The following NPSR1 variants were observed in gnomAD, a reference collection of about 807,000 sequenced individuals.
NPSR1 encodes neuropeptide S receptor 1.
In NPSR1, 48 loss-of-function variants were observed where a neutral mutation model predicts 46.9. The observed-to-expected ratio is 1.02, with a 90% CI of 0.81 to 1.30. The LOEUF is 1.30. Among genes scored for constraint, NPSR1 ranks in the 50% most tolerant of loss-of-function variants. NPSR1 has a pLI of 0.00. For synonymous variants in NPSR1, 176 were observed against 168.1 expected (o/e 1.05, Z -0.36); for missense variants, 450 against 449.5 (o/e 1.00, Z -0.01).
chr7:34,751,181 A>T (rs1785502646), intron 2 of NPSR1: 1 of 1,100,936 alleles, frequency 9.1e-7, no homozygotes, highest in Admixed American at 1.7e-5. Flanking sequence ...TGAGGAGTCC[A>T]GGGGTCCACC....
chr7:34,833,229 C>T (rs1320718415), intron 5 of NPSR1, among the ~76,000 whole-genome samples: 1 of 152,168 alleles, frequency 6.6e-6, no homozygotes, highest in Non-Finnish European at 1.5e-5. Context: ...TAAAGCATTG[C>T]TTTGTCCCAA....
At chr7:34,699,323 A>T (rs184800742) in intron 2 of NPSR1, among the ~76,000 whole-genome samples, 11 of 152,210 alleles carry the variant, frequency 7.2e-5, no homozygotes, top group African/African-American at 1.9e-4. Context: ...CTACTAAAAA[A>T]TTTTTTAAAT....
chr7:34,826,852 C>A (rs2128755884), intron 4 of NPSR1, among the ~76,000 whole-genome samples: 1 of 146,966 alleles, frequency 6.8e-6, no homozygotes, highest in South Asian at 2.1e-4. Flanking sequence ...GTTCAGTGTT[C>A]TTTCTCTGCC....
chr7:34,664,275 C>A (rs894316837), intron 1 of NPSR1, among the ~76,000 whole-genome samples: 1 of 152,126 alleles, frequency 6.6e-6, no homozygotes, highest in East Asian at 1.9e-4. Context: ...TTACTTCCAC[C>A]GGTGTCTCAG....
At chr7:34,871,090 A>G (rs1248947423) in intron 8 of NPSR1, among the ~76,000 whole-genome samples, 1 of 151,862 alleles carries the variant, frequency 6.6e-6, no homozygotes, top group Non-Finnish European at 1.5e-5. Flanking sequence ...GGTAACTTAC[A>G]GATAAAACAG....
intron 2 of NPSR1, among the ~76,000 whole-genome samples, chr7:34,713,629 AGAGGCTGGT>A (rs2128703528): frequency 6.6e-6 from 1 of 152,320 alleles, no homozygotes; most frequent in Non-Finnish European, 1.5e-5. Flanking sequence ...TGCAATATTT[AGAGGCTGGT>A]GTTTTCACTC....
At chr7:34,852,742 CA>C (rs1254748367), downstream of NPSR1, among the ~76,000 whole-genome samples, 1 of 152,130 alleles carries the variant, frequency 6.6e-6, no homozygotes, top group Admixed American at 6.5e-5. Flanking sequence ...CATGTGGAAT[CA>C]GAGAAGCCAG....
intron 2 of NPSR1, among the ~76,000 whole-genome samples, chr7:34,715,719 C>A (rs568099132): frequency 1.3e-5 from 2 of 152,156 alleles, no homozygotes; most frequent in Non-Finnish European, 2.9e-5. Flanking sequence ...AGCTTGTGTG[C>A]TACTGCAGAT....
At chr7:34,700,222 TGGAAGGAA>T (rs569169881) in intron 2 of NPSR1, among the ~76,000 whole-genome samples, 5 of 151,716 alleles carry the variant, frequency 3.3e-5, no homozygotes, top group African/African-American at 4.8e-5. Flanking sequence ...ACAACAGAGC[TGGAAGGAA>T]GGAAGGAAGG....
At chr7:34,721,253 G>A (rs1033431204) in intron 2 of NPSR1, among the ~76,000 whole-genome samples, 2 of 152,156 alleles carry the variant, frequency 1.3e-5, no homozygotes, top group Non-Finnish European at 2.9e-5. Flanking sequence ...TGCATTTCCA[G>A]AACGTCAAAG....
chr7:34,750,328 T>TA (rs1785454668), intron 2 of NPSR1: 4 of 710,792 alleles, frequency 5.6e-6, no homozygotes, highest in East Asian at 2.7e-5. Context: ...TCATCTAGGC[T>TA]AAAAAATCTT....
At chr7:34,796,113 A>G (rs1788159738) in intron 3 of NPSR1, among the ~76,000 whole-genome samples, 1 of 152,174 alleles carries the variant, frequency 6.6e-6, no homozygotes, top group East Asian at 1.9e-4. Flanking sequence ...TAGTCAACCA[A>G]TATTTACAAA....
intron 2 of NPSR1, among the ~76,000 whole-genome samples, chr7:34,735,950 T>C (rs998035593): frequency 6.6e-6 from 1 of 152,270 alleles, no homozygotes; most frequent in Non-Finnish European, 1.5e-5. Flanking sequence ...GAAAATTATA[T>C]ATGCACCATA....
At chr7:34,756,195 C>T (rs1024840902) in intron 2 of NPSR1, among the ~76,000 whole-genome samples, 1 of 152,136 alleles carries the variant, frequency 6.6e-6, no homozygotes, top group Admixed American at 6.5e-5. Context: ...CCCCCTACTT[C>T]CTGTCCTAAT....
At chr7:34,688,795 A>G (rs1010758993) in intron 2 of NPSR1, among the ~76,000 whole-genome samples, 1 of 152,200 alleles carries the variant, frequency 6.6e-6, no homozygotes, top group Non-Finnish European at 1.5e-5. Flanking sequence ...TTGCTGGGGC[A>G]TATTTCCAGG....
intron 5 of NPSR1, 101 bp from the exon 6 acceptor site, chr7:34,834,283 C>A: frequency 1.2e-6 from 1 of 836,310 alleles, no homozygotes; most frequent in Non-Finnish European, 2.1e-6. Context: ...AAGATCTGTC[C>A]CTTCACACCT....
intron 2 of NPSR1, among the ~76,000 whole-genome samples, chr7:34,732,114 T>G (rs1049904685): frequency 9.3e-5 from 14 of 150,752 alleles, no homozygotes; most frequent in Non-Finnish European, 1.9e-4. Context: ...TAGCAACACT[T>G]GGAATTCTCA....
chr7:34,805,006 G>A (rs377115420), intron 3 of NPSR1, among the ~76,000 whole-genome samples: 48 of 151,126 alleles, frequency 3.2e-4, no homozygotes, highest in East Asian at 3.1e-3. Context: ...TATTGAAGAC[G>A]ACTACAAAAC....
At chr7:34,831,548 G>A (rs1192437218) in intron 5 of NPSR1, among the ~76,000 whole-genome samples, 1 of 152,112 alleles carries the variant, frequency 6.6e-6, no homozygotes, top group African/African-American at 2.4e-5. Flanking sequence ...CATGAGAGCT[G>A]CGTATGAATA....
Sources: gnomAD v4.1 joint callset for allele counts (sites outside exome capture counted in the v4.1 genomes callset) on GRCh38, gnomAD v4.1.1 for gene constraint, MANE v1.5 for transcripts, NCBI Gene and HGNC (gene_info 2026-07-23, HGNC 2026-07-21) for gene names.